The following BUB1B variants were observed in gnomAD, a reference collection of about 807,000 sequenced individuals.
BUB1B encodes the protein mitotic checkpoint serine/threonine-protein kinase BUB1 beta.
In BUB1B, 86 loss-of-function variants were observed where a neutral mutation model predicts 137.7. The ratio of observed to expected loss-of-function variants is 0.62; its 90% CI spans 0.52 to 0.75. The LOEUF is 0.75. BUB1B is among the 30% of genes least tolerant of loss of function. The pLI, the probability that BUB1B is intolerant of heterozygous loss-of-function variation, is 0.00. For synonymous variants in BUB1B, 420 were observed against 417.9 expected (o/e 1.00, Z -0.06); for missense variants, 1,130 against 1,236.9 (o/e 0.91, Z 1.30).
At chr15:40,163,177 CCT>C (rs1311394143) in intron 1 of BUB1B, among the ~76,000 whole-genome samples, 1 of 152,172 alleles carries the variant, frequency 6.6e-6, no homozygotes, top group Non-Finnish European at 1.5e-5. Context: ...AGGGTTGGTT[CCT>C]CTCTGAGTTG....
intron 2 of BUB1B, among the ~76,000 whole-genome samples, chr15:40,167,154 C>T (rs993507965): frequency 1.3e-5 from 2 of 150,318 alleles, no homozygotes; most frequent in Admixed American, 6.6e-5. Flanking sequence ...TTTCCCTCAC[C>T]CATGGCTGTT....
At chr15:40,220,532 A>C in intron 22 of BUB1B, 32 bp from the exon 23 acceptor site, 1 of 1,609,802 alleles carries the variant, frequency 6.2e-7, no homozygotes, top group Non-Finnish European at 8.5e-7. Context: ...CATATGCCTA[A>C]TCTTGATGGA....
At chr15:40,213,827 T>C (rs866784171) in intron 20 of BUB1B, among the ~76,000 whole-genome samples, 34 of 152,212 alleles carry the variant, frequency 2.2e-4, no homozygotes, top group African/African-American at 7.2e-4. Context: ...CGTGAGCCAC[T>C]GCACCCGGCC....
chr15:40,185,843 C>T (rs2037354807), intron 8 of BUB1B, among the ~76,000 whole-genome samples: 1 of 151,864 alleles, frequency 6.6e-6, no homozygotes, highest in Non-Finnish European at 1.5e-5. Context: ...CCTGGGCAGC[C>T]TAGTGAGACC....
At chr15:40,211,076 TA>T (rs963865564) in intron 18 of BUB1B, among the ~76,000 whole-genome samples, 26 of 152,208 alleles carry the variant, frequency 1.7e-4, no homozygotes, top group African/African-American at 6.3e-4. Flanking sequence ...TAGAGGTGTA[TA>T]TGGCATCTTT....
At position 40,185,283 on chromosome 15, in the gene BUB1B, TA is replaced by T; in HGVS notation, c.871del (p.Thr291GlnfsTer6). ...EASTAELSKP[T>X]VQPWIAPPMP... ...CTTCTACAGCAGAGTTGTCTAAGCC[TA>T]CAGTCCAGCCATGGATAGCACCCCC... On this transcript the variant is annotated frameshift_variant, in exon 7 of 23. Transcript: ENST00000287598. LOFTEE classifies it high-confidence loss of function. 8 of 1,614,186 alleles carry T rather than the reference TA, an allele frequency of 5.0e-6. No homozygotes were observed. Among genetic ancestry groups the T allele is most frequent in the Non-Finnish European group, 5.9e-6 (7 of 1,180,044 alleles).
In BUB1B at chr15:40,161,241, A is replaced by G. The variant is rs1819687564; in HGVS notation, c.21A>G (p.Glu7=). The G allele has an allele frequency of 1.2e-6, 2 of 1,613,270 alleles. No homozygotes were observed. The highest frequency in any genetic ancestry group is 8.5e-7 in the Non-Finnish European group (1 of 1,179,634). The stretch of plus-strand genomic sequence containing the variant: ...GCAGGATGGCGGCGGTGAAGAAGGA[A>G]GGGGGTGCTCTGAGGTAGGTACGGG... MAAVKK[E]GGALSEAMSL... The change falls in exon 1 of 23, where the codon GAA becomes GAG. Residue 7 remains glutamate (E), a synonymous_variant. Transcript: ENST00000287598.
intron 4 of BUB1B, chr15:40,173,908 T>A (rs2037194197): frequency 2.5e-6 from 1 of 401,000 alleles, no homozygotes; most frequent in Non-Finnish European, 4.8e-6. Flanking sequence ...AGTCAGTTAT[T>A]TTATGTGACT....
intron 9 of BUB1B, among the ~76,000 whole-genome samples, chr15:40,197,186 C>T (rs7178873): frequency 0.081 from 12,324 of 152,154 alleles, 1,644 homozygotes; most frequent in African/African-American, 0.28. Flanking sequence ...TTCACTTTAC[C>T]TTTGATACTT....
chr15:40,214,104 A>G (rs1414647730), intron 20 of BUB1B, among the ~76,000 whole-genome samples: 4 of 152,188 alleles, frequency 2.6e-5, no homozygotes, highest in Non-Finnish European at 5.9e-5. Context: ...GACCAGTGCC[A>G]CTCTAGCGAG....
At chr15:40,218,144 T>A (rs542798332) in intron 21 of BUB1B, among the ~76,000 whole-genome samples, 1 of 152,362 alleles carries the variant, frequency 6.6e-6, no homozygotes, top group East Asian at 1.9e-4. Flanking sequence ...AGCACAAACC[T>A]GAACTAATCA....
At chr15:40,173,275 C>T (rs2037185730) in intron 4 of BUB1B, among the ~76,000 whole-genome samples, 1 of 129,698 alleles carries the variant, frequency 7.7e-6, no homozygotes. Context: ...CAGAGCGAGA[C>T]TCAGTCTCAG....
Position 40,196,623 on chromosome 15 carries a change from A to G in BUB1B, c.1137A>G (p.Leu379=), listed in dbSNP as rs770658836. 4 of 1,614,056 alleles carry G rather than the reference A, an allele frequency of 2.5e-6. No individual in the cohort carries two copies. Among genetic ancestry groups the G allele is most frequent in the Non-Finnish European group, 3.4e-6 (4 of 1,179,924 alleles). Residue 379 remains leucine (L), a synonymous_variant, in exon 9 of 23, where the codon CTA becomes CTG. Coordinates refer to ENST00000287598, the MANE Select transcript of BUB1B (RefSeq NM_001211.6). ...RKPGKEEGDP[L]QRVQSHQQAS... ...CTGGAAAGGAAGAAGGAGATCCTCT[A>G]CAAAGGGTTCAGAGCCATCAGCAAG... is the stretch of plus-strand genomic sequence containing the variant.
At position 40,165,285 on chromosome 15, in the gene BUB1B, T is replaced by C. The variant is rs1050673557; in HGVS notation, c.179+89T>C. 2.5e-6 allele frequency: 4 copies of C among 1,570,414 alleles called. No homozygotes were observed. In the African/African-American group the frequency reaches 5.4e-5, roughly 21 times the overall value. ...TGTGGATCCATGAGAGATGGCATAA[T>C]GAGTACTTTTCAAAAATTGGTAGTA... On this transcript the variant is annotated intron_variant, in intron 2 of 22. Coordinates refer to ENST00000287598, the MANE Select transcript of BUB1B (RefSeq NM_001211.6).
chr15:40,180,291 T>C (rs1199466673), intron 5 of BUB1B, among the ~76,000 whole-genome samples: 1 of 140,766 alleles, frequency 7.1e-6, no homozygotes, highest in Non-Finnish European at 1.5e-5. Context: ...TCTTGCTCTG[T>C]CACCCAGGCT....
intron 18 of BUB1B, among the ~76,000 whole-genome samples, 190 bp from the exon 19 acceptor site, chr15:40,212,309 C>G (rs908709091): frequency 2.0e-5 from 3 of 152,220 alleles, no homozygotes; most frequent in African/African-American, 7.2e-5. Flanking sequence ...GGATTGTTAC[C>G]TCCTGTTCTC....
intron 2 of BUB1B, among the ~76,000 whole-genome samples, chr15:40,167,175 G>T (rs2037109275): frequency 6.8e-6 from 1 of 148,044 alleles, no homozygotes; most frequent in Non-Finnish European, 1.5e-5. Flanking sequence ...TATTTTCTGG[G>T]TGTTTTTTTT....
chr15:40,219,199 C>T (rs908260463), intron 22 of BUB1B, among the ~76,000 whole-genome samples: 8 of 152,090 alleles, frequency 5.3e-5, no homozygotes, highest in African/African-American at 1.4e-4. Flanking sequence ...TGTGAGCCAC[C>T]GTGTCTGGCC....
intron 4 of BUB1B, chr15:40,174,026 G>T (rs1456136882): frequency 1.0e-5 from 4 of 399,678 alleles, no homozygotes; most frequent in East Asian, 1.5e-4. Context: ...CAAAAAAAAG[G>T]TTTATTTAAC....
Sources: gnomAD v4.1 joint callset for allele counts (sites outside exome capture counted in the v4.1 genomes callset) on GRCh38, gnomAD v4.1.1 for gene constraint, MANE v1.5 for transcripts, NCBI Gene and HGNC (gene_info 2026-07-23, HGNC 2026-07-21) for gene names.